The following TMEM236 variants were observed in gnomAD, a reference collection of about 807,000 sequenced individuals.
TMEM236 encodes transmembrane protein 236, also known as family with sequence similarity 23, member A.
TMEM236 carries 11 observed loss-of-function variants against 14.7 expected under a neutral mutation model. The observed-to-expected ratio is 0.75, with a 90% CI of 0.47 to 1.24. The LOEUF (loss-of-function observed/expected upper bound fraction) is 1.24, where lower values mean the gene tolerates loss of function less well. Among genes scored for constraint, TMEM236 ranks in the 50% most tolerant of loss-of-function variants. The pLI, the probability that TMEM236 is intolerant of heterozygous loss-of-function variation, is 0.00. For missense variants in TMEM236, 464 were observed against 427.3 expected (o/e 1.09, Z -0.76); for synonymous variants, 182 against 168.6 (o/e 1.08, Z -0.62).
chr10:17,787,350 A>G (rs1417275361), intron 3 of TMEM236, among the ~76,000 whole-genome samples: 4 of 152,212 alleles, frequency 2.6e-5, no homozygotes, highest in African/African-American at 7.2e-5. Flanking sequence ...CTGTGCTGCC[A>G]GGTGCTCCCC....
intron 1 of TMEM236, among the ~76,000 whole-genome samples, chr10:17,753,905 T>C (rs1261997784): frequency 1.3e-5 from 2 of 152,230 alleles, no homozygotes; most frequent in Admixed American, 6.5e-5. Flanking sequence ...TCTAACATAC[T>C]GTGGGTAAGG....
intron 3 of TMEM236, among the ~76,000 whole-genome samples, chr10:17,784,865 A>G (rs1174400514): frequency 6.6e-6 from 1 of 152,146 alleles, no homozygotes; most frequent in African/African-American, 2.4e-5. Flanking sequence ...ATGGAGATGA[A>G]GTGGGCGAGG....
At chr10:17,759,471 A>G (rs2131740845) in intron 1 of TMEM236, among the ~76,000 whole-genome samples, 1 of 152,264 alleles carries the variant, frequency 6.6e-6, no homozygotes, top group South Asian at 2.1e-4. Flanking sequence ...TTTGGGCAAC[A>G]TTTTACCTGG....
intron 2 of TMEM236, among the ~76,000 whole-genome samples, chr10:17,774,497 T>C (rs1454447794): frequency 6.6e-6 from 1 of 151,508 alleles, no homozygotes; most frequent in African/African-American, 2.4e-5. Context: ...TACTAAAAAA[T>C]CCATCCTTCC....
At chr10:17,793,564 A>G (rs1837962048) in intron 3 of TMEM236, among the ~76,000 whole-genome samples, 1 of 152,010 alleles carries the variant, frequency 6.6e-6, no homozygotes, top group Admixed American at 6.6e-5. Context: ...GCTCACTGCA[A>G]CCTCCTCCTA....
chr10:17,763,241 C>T (rs1837405635), intron 1 of TMEM236, among the ~76,000 whole-genome samples: 2 of 152,110 alleles, frequency 1.3e-5, no homozygotes, highest in South Asian at 4.2e-4. Flanking sequence ...TGCTTGAGAG[C>T]AGGAGTTTGA....
chr10:17,784,844 T>C (rs951932139), intron 3 of TMEM236, among the ~76,000 whole-genome samples: 1 of 152,140 alleles, frequency 6.6e-6, no homozygotes, highest in Non-Finnish European at 1.5e-5. Flanking sequence ...CTGGGGTAAC[T>C]GCTGTGGGGA....
rs942552038 is a variant in TMEM236 at position 17,752,830 on chromosome 10, G to T, written c.257+278G>T. ...GATCTGCCTGCCTCAGCCTCCCAAA[G>T]TACTAGGATTACAGGCAGAAGCCAC... On this transcript the variant is annotated intron_variant, in intron 1 of 3. Transcript: ENST00000377495. 3.0e-3 allele frequency among the ~76,000 whole-genome samples: 459 copies of T among 152,258 alleles called. 2 individuals carry two copies. The highest frequency in any genetic ancestry group is 9.8e-3 in the African/African-American group (408 of 41,554).
intron 3 of TMEM236, 138 bp from the exon 4 acceptor site, chr10:17,795,783 A>G: frequency 1.0e-6 from 1 of 989,372 alleles, no homozygotes; most frequent in East Asian, 2.6e-5. Flanking sequence ...AACTTAAAAT[A>G]AAATTAAATT....
At chr10:17,762,003 T>C (rs1046244039) in intron 1 of TMEM236, among the ~76,000 whole-genome samples, 1,538 of 152,278 alleles carry the variant, frequency 0.01, 28 homozygotes, top group African/African-American at 0.034. Context: ...CTCTGCCCTT[T>C]CTTTCTCCAT....
chr10:17,754,335 T>G (rs1174874439), intron 1 of TMEM236, among the ~76,000 whole-genome samples: 2 of 152,190 alleles, frequency 1.3e-5, no homozygotes, highest in Non-Finnish European at 2.9e-5. Flanking sequence ...TTATTTTTTA[T>G]TTTGAGACTG....
chr10:17,764,503 C>T (rs1023498688), intron 1 of TMEM236, among the ~76,000 whole-genome samples: 135 of 152,258 alleles, frequency 8.9e-4, no homozygotes, highest in Non-Finnish European at 1.5e-3. Context: ...AACCTAAATT[C>T]TGTTATTTGT....
At chr10:17,785,704 T>G (rs1837824306) in intron 3 of TMEM236, among the ~76,000 whole-genome samples, 1 of 152,048 alleles carries the variant, frequency 6.6e-6, no homozygotes, top group Admixed American at 6.6e-5. Context: ...TGCAATGTGC[T>G]CAGGGGTGAC....
chr10:17,798,848 T>A lies in TMEM236; in HGVS notation c.*2344T>A, dbSNP rs1415230454. ...TGGCAAACCATAATAACTTGATAAATGCTAAGCATTGGAACGGGTACCAAG... is the reference window on the plus strand; with the variant it reads ...TGGCAAACCATAATAACTTGATAAAAGCTAAGCATTGGAACGGGTACCAAG... On this transcript the variant is annotated 3_prime_UTR_variant, in exon 4 of 4. Transcript: ENST00000377495. The A allele has an allele frequency of 2.7e-5, 10 of 374,356 alleles. No homozygotes were observed. Among genetic ancestry groups the A allele is most frequent in the Non-Finnish European group, 4.3e-5 (8 of 188,168 alleles). 23.2% of individuals were successfully genotyped at this position (374,356 alleles called of 1,614,324 possible). A position where few individuals can be genotyped will look rare whatever the true frequency, so the allele number is the denominator to read the frequency against.
At chr10:17,781,745 C>CAAAA (rs67839025) in intron 3 of TMEM236, among the ~76,000 whole-genome samples, 9 of 96,836 alleles carry the variant, frequency 9.3e-5, no homozygotes, top group Non-Finnish European at 1.8e-4. Flanking sequence ...ACCTCTGTCT[C>CAAAA]AAAAAAAAAA....
chr10:17,753,928 C>T (rs1013200956), intron 1 of TMEM236, among the ~76,000 whole-genome samples: 12 of 152,094 alleles, frequency 7.9e-5, no homozygotes, highest in East Asian at 1.9e-4. Flanking sequence ...GTGAGCAGAG[C>T]GTAAGGATAG....
At chr10:17,774,505 T>C (rs1407742107) in intron 2 of TMEM236, among the ~76,000 whole-genome samples, 2 of 151,282 alleles carry the variant, frequency 1.3e-5, no homozygotes, top group Non-Finnish European at 2.9e-5. Flanking sequence ...AATCCATCCT[T>C]CCCACATTTC....
At chr10:17,777,604 T>C (rs1837679885) in intron 3 of TMEM236, among the ~76,000 whole-genome samples, 3 of 152,048 alleles carry the variant, frequency 2.0e-5, no homozygotes, top group Admixed American at 6.6e-5. Flanking sequence ...TTAAATTGGA[T>C]GGTTTCTGAT....
At position 17,796,431 on chromosome 10, in the gene TMEM236, C is replaced by G; in HGVS notation, c.983C>G (p.Thr328Ser). 1 of 1,613,776 alleles carries G rather than the reference C, an allele frequency of 6.2e-7. No individual in the cohort carries two copies. The highest frequency in any genetic ancestry group is 1.1e-5 in the South Asian group (1 of 91,070). Residue 328 changes from threonine to serine, a missense_variant, in exon 4 of 4, where the codon ACT becomes AGT. Coordinates refer to ENST00000377495, the MANE Select transcript of TMEM236 (RefSeq NM_001098844.3). Reference sequence around the variant, plus strand: ...GGCCTGTGTAAAAATATCCTCGTGACTCTCTCTTACATTTACTTCAATTAC... The same window carrying G: ...GGCCTGTGTAAAAATATCCTCGTGAGTCTCTCTTACATTTACTTCAATTAC... The part of the protein sequence containing the change: ...VLGLCKNILV[T>S]LSYIYFNYLT...
Sources: gnomAD v4.1 joint callset for allele counts (sites outside exome capture counted in the v4.1 genomes callset) on GRCh38, gnomAD v4.1.1 for gene constraint, MANE v1.5 for transcripts, NCBI Gene and HGNC (gene_info 2026-07-23, HGNC 2026-07-21) for gene names.